NRG1: variants seen among roughly 807,000 people sequenced by gnomAD.
NRG1 encodes the protein pro-neuregulin-1, membrane-bound isoform.
A neutral mutation model predicts 63.8 loss-of-function variants in NRG1; 18 were observed. The ratio of observed to expected loss-of-function variants is 0.28; its 90% CI spans 0.19 to 0.42. The LOEUF is 0.42. Ranked by LOEUF, NRG1 falls within the 10% of genes least tolerant of loss-of-function variation. The pLI is 1.00. For missense variants in NRG1, 762 were observed against 814.7 expected, an observed-to-expected ratio of 0.94 and a Z score of 0.79; for synonymous variants, 302 against 301.3, an observed-to-expected ratio of 1.00 and a Z score of -0.02.
At chr8:32,348,369 T>C (rs115556039) in intron 1 of NRG1, among the ~76,000 whole-genome samples, 1,524 of 152,302 alleles carry the variant, frequency 0.01, 24 homozygotes, top group African/African-American at 0.029. Context: ...CTTGTGACCA[T>C]AAAATAAAAT....
intron 1 of NRG1, among the ~76,000 whole-genome samples, chr8:32,062,260 A>G (rs996077577): frequency 1.3e-5 from 2 of 152,084 alleles, no homozygotes; most frequent in Admixed American, 6.6e-5. Context: ...CTGCTTCCTC[A>G]TGGGAAGAAT....
At chr8:32,559,993 G>C (rs1326837217) in intron 1 of NRG1, among the ~76,000 whole-genome samples, 1 of 151,994 alleles carries the variant, frequency 6.6e-6, no homozygotes, top group African/African-American at 2.4e-5. Context: ...CTCCAGGCTG[G>C]GTGACAGAGT....
intron 11 of NRG1, among the ~76,000 whole-genome samples, chr8:32,762,723 C>T (rs1830948125): frequency 6.6e-6 from 1 of 152,158 alleles, no homozygotes; most frequent in Non-Finnish European, 1.5e-5. Flanking sequence ...AGAAAAGAGT[C>T]ATTTAGTGTT....
chr8:32,289,960 G>A (rs911455747), intron 1 of NRG1, among the ~76,000 whole-genome samples: 4 of 152,048 alleles, frequency 2.6e-5, no homozygotes, highest in African/African-American at 9.7e-5. Flanking sequence ...AAATATCAGG[G>A]CCAGGCACAG....
intron 1 of NRG1, among the ~76,000 whole-genome samples, chr8:32,187,906 C>T (rs545273671): frequency 6.6e-6 from 1 of 152,324 alleles, no homozygotes; most frequent in East Asian, 1.9e-4. Context: ...CCACTCCCAC[C>T]TCCTCCTTGG....
intron 1 of NRG1, among the ~76,000 whole-genome samples, chr8:32,557,838 T>A (rs1292892925): frequency 1.3e-5 from 2 of 152,218 alleles, no homozygotes; most frequent in Non-Finnish European, 2.9e-5. Context: ...TACATGATTT[T>A]CCATATATTA....
At chr8:32,080,186 A>G (rs1374407918) in intron 1 of NRG1, among the ~76,000 whole-genome samples, 1 of 152,168 alleles carries the variant, frequency 6.6e-6, no homozygotes, top group African/African-American at 2.4e-5. Flanking sequence ...TTATGCAATC[A>G]TGGTGGGAGA....
chr8:31,877,891 T>A (rs1830051081), intron 1 of NRG1, among the ~76,000 whole-genome samples: 1 of 152,232 alleles, frequency 6.6e-6, no homozygotes, highest in Non-Finnish European at 1.5e-5. Flanking sequence ...TGATGTAGGT[T>A]AGAGACTGTT....
intron 1 of NRG1, among the ~76,000 whole-genome samples, chr8:31,952,073 T>G (rs1803561915): frequency 6.6e-6 from 1 of 152,214 alleles, no homozygotes; most frequent in South Asian, 2.1e-4. Context: ...TGCGGTCTGC[T>G]GCTAACCAGC....
chr8:31,900,345 A>G (rs182472575), intron 1 of NRG1, among the ~76,000 whole-genome samples: 53 of 152,336 alleles, frequency 3.5e-4, no homozygotes, highest in Non-Finnish European at 5.9e-4. Context: ...GCTCTAGTGA[A>G]AAATGGAATT....
intron 1 of NRG1, among the ~76,000 whole-genome samples, chr8:32,268,169 G>C (rs1316617497): frequency 6.6e-6 from 1 of 152,150 alleles, no homozygotes; most frequent in East Asian, 1.9e-4. Context: ...CAATCTGAAG[G>C]AGCCTGAAAG....
chr8:32,569,401 A>G (rs893354390), intron 1 of NRG1, among the ~76,000 whole-genome samples: 3 of 152,194 alleles, frequency 2.0e-5, no homozygotes, highest in African/African-American at 7.2e-5. Context: ...GTGTGCATGT[A>G]TACGTACATT....
At chr8:32,519,488 A>AAAT (rs34117570) in intron 1 of NRG1, among the ~76,000 whole-genome samples, 5 of 150,458 alleles carry the variant, frequency 3.3e-5, no homozygotes, top group African/African-American at 4.9e-5. Flanking sequence ...ACATCTATGA[A>AAAT]AATAATAATA....
At chr8:31,923,552 G>A (rs1039190330) in intron 1 of NRG1, among the ~76,000 whole-genome samples, 19 of 152,174 alleles carry the variant, frequency 1.2e-4, no homozygotes, top group African/African-American at 4.3e-4. Context: ...TACGTATTTG[G>A]GAGAATTCAC....
intron 1 of NRG1, among the ~76,000 whole-genome samples, chr8:32,022,428 T>G (rs1329840565): frequency 6.6e-6 from 1 of 152,200 alleles, no homozygotes. Flanking sequence ...TTATTTTACA[T>G]GAGCCACACA....
intron 5 of NRG1, among the ~76,000 whole-genome samples, chr8:32,643,989 A>G (rs998790777): frequency 1.3e-5 from 2 of 152,196 alleles, no homozygotes; most frequent in Non-Finnish European, 2.9e-5. Flanking sequence ...TTCAGCAGAA[A>G]TAGGATGAAT....
At chr8:32,510,940 T>C (rs1219187493) in intron 1 of NRG1, among the ~76,000 whole-genome samples, 1 of 146,820 alleles carries the variant, frequency 6.8e-6, no homozygotes, top group Non-Finnish European at 1.5e-5. Flanking sequence ...GAATCTTCCT[T>C]TCTTTCTTTC....
intron 1 of NRG1, among the ~76,000 whole-genome samples, chr8:32,311,473 G>A (rs185061146): frequency 9.9e-5 from 15 of 152,236 alleles, no homozygotes; most frequent in Admixed American, 7.2e-4. Context: ...TGGAGGAAAT[G>A]CAAGCACAAG....
At chr8:32,158,000 T>C (rs2131881198) in intron 1 of NRG1, among the ~76,000 whole-genome samples, 1 of 152,316 alleles carries the variant, frequency 6.6e-6, no homozygotes, top group East Asian at 1.9e-4. Flanking sequence ...GATGCTGACA[T>C]GAACCACGTC....
Sources: gnomAD v4.1 joint callset for allele counts (sites outside exome capture counted in the v4.1 genomes callset) on GRCh38, gnomAD v4.1.1 for gene constraint, MANE v1.5 for transcripts, NCBI Gene and HGNC (gene_info 2026-07-23, HGNC 2026-07-21) for gene names.